RARB: variants seen among roughly 807,000 people sequenced by gnomAD.
RARB encodes the protein retinoic acid receptor beta, also known as HBV-activated protein.
In RARB, 17 loss-of-function variants were observed where a neutral mutation model predicts 51.9. The observed-to-expected ratio is 0.33, with a 90% CI of 0.22 to 0.49. RARB has a LOEUF of 0.49. Among genes scored for constraint, RARB ranks in the 20% least tolerant of loss-of-function variants. The probability of loss-of-function intolerance (pLI) is 0.99; values close to 1 mark genes in which losing one functional copy is unlikely to be tolerated. For synonymous variants in RARB, 215 were observed against 195.4 expected, an observed-to-expected ratio of 1.10 and a Z score of -0.84; for missense variants, 369 against 550.8, an observed-to-expected ratio of 0.67 and a Z score of 3.30.
intron 3 of RARB, among the ~76,000 whole-genome samples, chr3:25,504,770 CTTT>C (rs61498243): frequency 0.1 from 12,817 of 125,970 alleles, 594 homozygotes; most frequent in African/African-American, 0.18. Flanking sequence ...ACATTAACCA[CTTT>C]TTTTTTTTTT....
intron 1 of RARB, among the ~76,000 whole-genome samples, chr3:25,439,518 G>T (rs375415556): frequency 6.6e-6 from 1 of 152,020 alleles, no homozygotes; most frequent in Non-Finnish European, 1.5e-5. Flanking sequence ...CAATCCTCCC[G>T]CCTCAGCCTC....
chr3:24,919,427 C>T (rs1695172865), intron 2 of RARB, among the ~76,000 whole-genome samples: 1 of 152,192 alleles, frequency 6.6e-6, no homozygotes, highest in Non-Finnish European at 1.5e-5. Flanking sequence ...CGAGTTTTGG[C>T]TAATCAAAGA....
intron 2 of RARB, among the ~76,000 whole-genome samples, chr3:25,036,106 C>T (rs1448248786): frequency 6.6e-6 from 1 of 152,056 alleles, no homozygotes; most frequent in Non-Finnish European, 1.5e-5. Context: ...TTTCTGCCTC[C>T]AAATTTGAGT....
intron 2 of RARB, among the ~76,000 whole-genome samples, chr3:24,913,685 T>A (rs1695048901): frequency 6.6e-6 from 1 of 152,224 alleles, no homozygotes; most frequent in Admixed American, 6.5e-5. Flanking sequence ...AACACTCATC[T>A]GAGTCTGTTC....
chr3:24,874,689 TTTC>T (rs1301262986), intron 2 of RARB, among the ~76,000 whole-genome samples: 1 of 152,044 alleles, frequency 6.6e-6, no homozygotes, highest in African/African-American at 2.4e-5. Flanking sequence ...ACATAGCTTT[TTTC>T]TTTTTTTTCT....
At chr3:25,585,427 A>T (rs1244956408) in intron 5 of RARB, among the ~76,000 whole-genome samples, 1 of 152,192 alleles carries the variant, frequency 6.6e-6, no homozygotes, top group Admixed American at 6.5e-5. Context: ...CCTTGAACAA[A>T]TTTTCGGATG....
chr3:24,915,961 G>C (rs1369529434), intron 2 of RARB, among the ~76,000 whole-genome samples: 2 of 152,144 alleles, frequency 1.3e-5, no homozygotes, highest in East Asian at 1.9e-4. Flanking sequence ...CAGGGAGAGA[G>C]AGGCACCTAC....
chr3:25,155,223 T>C (rs1169326290), intron 4 of RARB, among the ~76,000 whole-genome samples: 1 of 152,202 alleles, frequency 6.6e-6, no homozygotes, highest in East Asian at 1.9e-4. Context: ...CTCTGTTCTG[T>C]CATGTCTTTT....
intron 2 of RARB, among the ~76,000 whole-genome samples, chr3:25,018,141 T>G (rs1697555376): frequency 6.6e-6 from 1 of 152,220 alleles, no homozygotes. Flanking sequence ...ATTGGAAGTT[T>G]TATAAGGCCT....
chr3:25,409,886 A>C (rs1421979216), intron 5 of RARB, among the ~76,000 whole-genome samples: 1 of 152,180 alleles, frequency 6.6e-6, no homozygotes, highest in African/African-American at 2.4e-5. Flanking sequence ...TTAATCCTTC[A>C]GTGTTCTTTA....
At chr3:25,215,465 A>G (rs756231122) in intron 5 of RARB, among the ~76,000 whole-genome samples, 15 of 152,132 alleles carry the variant, frequency 9.9e-5, no homozygotes, top group Non-Finnish European at 1.0e-4. Flanking sequence ...CCATTCACAT[A>G]GTTGTGAATA....
intron 5 of RARB, among the ~76,000 whole-genome samples, chr3:25,248,578 C>A (rs1601162): frequency 6.6e-6 from 1 of 151,960 alleles, no homozygotes; most frequent in Non-Finnish European, 1.5e-5. Context: ...TAGATAGTAT[C>A]TTTTTGTTTC....
At chr3:25,524,401 T>C (rs1275872722) in intron 3 of RARB, among the ~76,000 whole-genome samples, 2 of 152,210 alleles carry the variant, frequency 1.3e-5, no homozygotes, top group Non-Finnish European at 2.9e-5. Flanking sequence ...AAGGATAATT[T>C]AATCAGAACC....
At chr3:24,862,678 T>G (rs1702774492) in intron 2 of RARB, among the ~76,000 whole-genome samples, 1 of 152,196 alleles carries the variant, frequency 6.6e-6, no homozygotes, top group Non-Finnish European at 1.5e-5. Flanking sequence ...TTTATATATC[T>G]ACAGTTTCAA....
At chr3:25,441,716 G>T (rs973503310) in intron 1 of RARB, among the ~76,000 whole-genome samples, 1 of 152,124 alleles carries the variant, frequency 6.6e-6, no homozygotes. Context: ...TACTGCCATA[G>T]CTACCATTAA....
At chr3:24,974,648 G>A (rs1696472020) in intron 2 of RARB, among the ~76,000 whole-genome samples, 1 of 151,996 alleles carries the variant, frequency 6.6e-6, no homozygotes, top group African/African-American at 2.4e-5. Context: ...TCCTAATATA[G>A]TAAATCAAAT....
intron 2 of RARB, among the ~76,000 whole-genome samples, chr3:24,993,519 G>T (rs1212389440): frequency 6.6e-6 from 1 of 151,992 alleles, no homozygotes; most frequent in Non-Finnish European, 1.5e-5. Flanking sequence ...TATTGACTAT[G>T]TTGGGAACAT....
chr3:25,424,426 C>T (rs555129903), upstream of RARB, among the ~76,000 whole-genome samples: 3 of 152,328 alleles, frequency 2.0e-5, no homozygotes, highest in African/African-American at 7.2e-5. Flanking sequence ...CTGGGAAGAG[C>T]CTCATACTTG....
At chr3:25,525,472 C>T (rs1575487623) in intron 3 of RARB, among the ~76,000 whole-genome samples, 1 of 152,330 alleles carries the variant, frequency 6.6e-6, no homozygotes, top group East Asian at 1.9e-4. Context: ...AGACCCCCCT[C>T]AGCAAACATA....
Sources: gnomAD v4.1 joint callset for allele counts (sites outside exome capture counted in the v4.1 genomes callset) on GRCh38, gnomAD v4.1.1 for gene constraint, MANE v1.5 for transcripts, NCBI Gene and HGNC (gene_info 2026-07-23, HGNC 2026-07-21) for gene names.